Variants in CNBD1 observed in about 807,000 individuals in gnomAD.
CNBD1 encodes cyclic nucleotide-binding domain-containing protein 1.
Under a neutral mutation model 54.4 loss-of-function variants are expected in CNBD1, and 71 were observed. The ratio of observed to expected loss-of-function variants is 1.30; its 90% CI spans 1.08 to 1.59. CNBD1 has a LOEUF of 1.59. Ranked by LOEUF, CNBD1 falls within the 40% of genes most tolerant of loss-of-function variation. The pLI is 0.00. For synonymous variants in CNBD1, 182 were observed against 170.7 expected (o/e 1.07, Z -0.51); for missense variants, 659 against 518.0 (o/e 1.27, Z -2.64).
chr8:86,983,131 A>G (rs1380768977), intron 4 of CNBD1, among the ~76,000 whole-genome samples: 2 of 152,082 alleles, frequency 1.3e-5, no homozygotes, highest in Non-Finnish European at 2.9e-5. Flanking sequence ...GAGGGACCCC[A>G]TGGGGAGGTA....
At chr8:87,351,924 T>A (rs1358563601) in intron 9 of CNBD1, 130 bp downstream of exon 9, 2 of 958,934 alleles carry the variant, frequency 2.1e-6, no homozygotes, top group African/African-American at 3.4e-5. Context: ...TTTTTTGAAA[T>A]TTTTGTGTTT....
At chr8:86,884,439 ATTAT>A (rs1168290528) in intron 1 of CNBD1, among the ~76,000 whole-genome samples, 2 of 152,110 alleles carry the variant, frequency 1.3e-5, no homozygotes, top group East Asian at 3.9e-4. Context: ...CTAATATTAT[ATTAT>A]TTAAAGAAAA....
intron 8 of CNBD1, among the ~76,000 whole-genome samples, chr8:87,317,272 G>T (rs1352580677): frequency 6.6e-6 from 1 of 151,464 alleles, no homozygotes; most frequent in Non-Finnish European, 1.5e-5. Flanking sequence ...TAAGGAAGTA[G>T]CTCAAGTTGT....
chr8:87,321,962 C>T (rs1437234261), intron 8 of CNBD1, among the ~76,000 whole-genome samples: 3 of 146,060 alleles, frequency 2.1e-5, no homozygotes, highest in African/African-American at 7.6e-5. Flanking sequence ...GCTCCCCCCA[C>T]CCCACCACAG....
At chr8:87,159,129 A>G (rs73263930) in intron 4 of CNBD1, among the ~76,000 whole-genome samples, 3,205 of 152,250 alleles carry the variant, frequency 0.021, 109 homozygotes, top group African/African-American at 0.07. Flanking sequence ...ATTTTGATGG[A>G]TACTTATTTG....
intron 4 of CNBD1, among the ~76,000 whole-genome samples, chr8:87,193,581 G>A (rs1232738335): frequency 6.6e-6 from 1 of 152,148 alleles, no homozygotes; most frequent in African/African-American, 2.4e-5. Flanking sequence ...ACAATAATCA[G>A]CATCTCTGAA....
chr8:87,387,555 A>C (rs1379231342), downstream of CNBD1, among the ~76,000 whole-genome samples: 1 of 152,194 alleles, frequency 6.6e-6, no homozygotes, highest in East Asian at 1.9e-4. Flanking sequence ...AGAAGAGCTA[A>C]CTATCCTAAA....
intron 4 of CNBD1, among the ~76,000 whole-genome samples, chr8:87,059,809 C>T (rs1308403223): frequency 1.3e-5 from 2 of 152,218 alleles, no homozygotes; most frequent in East Asian, 1.9e-4. Context: ...CATGGCAGTG[C>T]ACTGTTGGTG....
chr8:87,193,057 C>G (rs769684080), intron 4 of CNBD1, among the ~76,000 whole-genome samples: 6 of 152,018 alleles, frequency 3.9e-5, no homozygotes, highest in Non-Finnish European at 7.4e-5. Flanking sequence ...TAAAATAAAA[C>G]AAAATAACCA....
At chr8:86,956,506 C>G (rs1372402651) in intron 4 of CNBD1, among the ~76,000 whole-genome samples, 1 of 152,156 alleles carries the variant, frequency 6.6e-6, no homozygotes, top group Admixed American at 6.5e-5. Context: ...TTTTATTTCA[C>G]TGAGCAGTGG....
chr8:86,877,344 A>G (rs1808536519), intron 1 of CNBD1, among the ~76,000 whole-genome samples: 1 of 152,120 alleles, frequency 6.6e-6, no homozygotes, highest in African/African-American at 2.4e-5. Context: ...TACATTTTGC[A>G]TCCTATTTAA....
intron 6 of CNBD1, among the ~76,000 whole-genome samples, chr8:87,265,154 A>G (rs1808224586): frequency 6.6e-6 from 1 of 152,044 alleles, no homozygotes; most frequent in Non-Finnish European, 1.5e-5. Flanking sequence ...TGAGTCTTTA[A>G]TCCGTCTTGA....
At chr8:87,283,653 A>ACATAGATG (rs1291022990) in intron 6 of CNBD1, among the ~76,000 whole-genome samples, 2 of 152,078 alleles carry the variant, frequency 1.3e-5, no homozygotes, top group Non-Finnish European at 2.9e-5. Context: ...CTAGATAGCC[A>ACATAGATG]GCTTCTATGT....
intron 8 of CNBD1, among the ~76,000 whole-genome samples, chr8:87,289,610 A>G (rs2130873630): frequency 6.6e-6 from 1 of 152,316 alleles, no homozygotes; most frequent in South Asian, 2.1e-4. Context: ...AGGATTTGAT[A>G]TAGCAAACAT....
At chr8:87,226,639 C>T (rs1447072058) in intron 5 of CNBD1, among the ~76,000 whole-genome samples, 2 of 151,700 alleles carry the variant, frequency 1.3e-5, no homozygotes, top group African/African-American at 4.9e-5. Flanking sequence ...TTTGCATTTT[C>T]TGAGGAGAGC....
chr8:87,354,788 T>G (rs956707456), intron 10 of CNBD1, among the ~76,000 whole-genome samples: 1 of 152,210 alleles, frequency 6.6e-6, no homozygotes, highest in Non-Finnish European at 1.5e-5. Flanking sequence ...TGCCACATTT[T>G]CTTAACCCAG....
intron 2 of CNBD1, among the ~76,000 whole-genome samples, chr8:87,407,499 G>T (rs1418508997): frequency 6.6e-6 from 1 of 151,942 alleles, no homozygotes; most frequent in African/African-American, 2.4e-5. Context: ...TATATTTCAA[G>T]TGGGCCTGTA....
chr8:87,318,472 T>A (rs779250550), intron 8 of CNBD1, among the ~76,000 whole-genome samples: 2 of 152,086 alleles, frequency 1.3e-5, no homozygotes, highest in African/African-American at 4.8e-5. Context: ...TTCTGCATAC[T>A]CTGTCCAATA....
chr8:87,114,067 A>G (rs370771439), intron 4 of CNBD1, among the ~76,000 whole-genome samples: 9 of 152,254 alleles, frequency 5.9e-5, no homozygotes, highest in African/African-American at 2.2e-4. Flanking sequence ...ATATGCATTA[A>G]TCAATATGAT....
Sources: allele counts gnomAD v4.1 joint callset (sites outside exome capture counted in the v4.1 genomes callset), GRCh38; gene constraint gnomAD v4.1.1; transcripts MANE v1.5; gene names NCBI Gene and HGNC (gene_info 2026-07-23, HGNC 2026-07-21).